CD99L2: variants seen among roughly 807,000 people sequenced by gnomAD.
CD99L2 encodes the protein CD99 molecule like 2.
CD99L2 carries 24 observed loss-of-function variants against 27.3 expected under a neutral mutation model. The ratio of observed to expected loss-of-function variants is 0.88; its 90% CI spans 0.64 to 1.24. The LOEUF is 1.24. Ranked by LOEUF, CD99L2 falls within the 50% of genes most tolerant of loss-of-function variation. CD99L2 has a pLI of 0.00. For synonymous variants in CD99L2, 97 were observed against 87.9 expected, an observed-to-expected ratio of 1.10 and a Z score of -0.58; for missense variants, 255 against 221.6, an observed-to-expected ratio of 1.15 and a Z score of -0.96.
chrX:150,801,587 G>T (rs577606691), intron 4 of CD99L2, among the ~76,000 whole-genome samples: 1 of 110,148 alleles, frequency 9.1e-6, no homozygotes, highest in South Asian at 3.9e-4. Context: ...ATTTGGATGG[G>T]GACACAGAGC....
intron 1 of CD99L2, among the ~76,000 whole-genome samples, chrX:150,866,180 G>A (rs782406045): frequency 6.3e-4 from 70 of 111,403 alleles, no homozygotes; most frequent in African/African-American, 2.2e-3. Context: ...TCAGCCTGCA[G>A]AGAACCCAAA....
chrX:150,860,350 A>G (rs1557421877), intron 1 of CD99L2, among the ~76,000 whole-genome samples: 1 of 112,038 alleles, frequency 8.9e-6, no homozygotes, highest in South Asian at 3.7e-4. Flanking sequence ...TGACAAACCC[A>G]CAGCTAACAT....
At chrX:150,848,556 T>TAAAAAA (rs55999462) in intron 1 of CD99L2, among the ~76,000 whole-genome samples, 1 of 93,781 alleles carries the variant, frequency 1.1e-5, no homozygotes, top group African/African-American at 4.0e-5. Context: ...TTCCACAATT[T>TAAAAAA]AAAAAAAAAA....
chrX:150,850,024 A>G (rs1341198906), intron 1 of CD99L2, among the ~76,000 whole-genome samples: 6 of 111,273 alleles, frequency 5.4e-5, no homozygotes, highest in African/African-American at 2.0e-4. Context: ...CCCCTTTTCC[A>G]CTCTGTATTT....
intron 2 of CD99L2, among the ~76,000 whole-genome samples, chrX:150,820,238 T>C (rs782600515): frequency 1.7e-4 from 18 of 103,337 alleles, no homozygotes; most frequent in Non-Finnish European, 3.5e-4. Flanking sequence ...ATCAATGTAC[T>C]ATCCCATATT....
intron 1 of CD99L2, among the ~76,000 whole-genome samples, chrX:150,845,218 G>C (rs1168399808): frequency 4.5e-5 from 5 of 111,569 alleles, no homozygotes; most frequent in Non-Finnish European, 9.4e-5. Flanking sequence ...CTGAGAGCTA[G>C]GGAACTACTT....
chrX:150,826,326 G>A (rs2046367019), intron 2 of CD99L2, among the ~76,000 whole-genome samples: 1 of 111,708 alleles, frequency 9.0e-6, no homozygotes. Flanking sequence ...CAGGGAATGG[G>A]GACATTCATA....
chrX:150,772,507 T>C (rs943427035), intron 9 of CD99L2, among the ~76,000 whole-genome samples: 23 of 112,358 alleles, frequency 2.0e-4, no homozygotes, highest in African/African-American at 6.8e-4. Flanking sequence ...GGGGAAAGGA[T>C]GTGGTTGGGA....
intron 7 of CD99L2, among the ~76,000 whole-genome samples, chrX:150,778,467 G>A (rs2045443688): frequency 9.7e-6 from 1 of 103,111 alleles, no homozygotes; most frequent in African/African-American, 3.6e-5. Flanking sequence ...GGCAGGGTGG[G>A]GGGGTATTGA....
intron 1 of CD99L2, among the ~76,000 whole-genome samples, chrX:150,852,784 G>A (rs1348545510): frequency 9.0e-6 from 1 of 111,372 alleles, no homozygotes; most frequent in Non-Finnish European, 1.9e-5. Context: ...GCATAGATCC[G>A]AATTTCCTTC....
chrX:150,800,606 T>A (rs2045888663), intron 4 of CD99L2, among the ~76,000 whole-genome samples: 2 of 111,702 alleles, frequency 1.8e-5, no homozygotes, highest in Admixed American at 1.9e-4. Flanking sequence ...CAAAGGATTT[T>A]GGTATTTGCA....
At chrX:150,832,491 G>A (rs1557421096) in intron 1 of CD99L2, among the ~76,000 whole-genome samples, 1 of 111,151 alleles carries the variant, frequency 9.0e-6, no homozygotes, top group Non-Finnish European at 1.9e-5. Context: ...TGGGTGTGGT[G>A]GTGCATGCCT....
intron 1 of CD99L2, among the ~76,000 whole-genome samples, chrX:150,852,900 A>G (rs868990104): frequency 8.9e-6 from 1 of 112,124 alleles, no homozygotes; most frequent in Non-Finnish European, 1.9e-5. Context: ...TGCTATAATT[A>G]TAAGTAGTGC....
intron 1 of CD99L2, among the ~76,000 whole-genome samples, chrX:150,856,958 G>C (rs782622005): frequency 9.1e-6 from 1 of 109,882 alleles, no homozygotes; most frequent in Non-Finnish European, 1.9e-5. Context: ...AGAATTCATT[G>C]AAAGAATGAC....
chrX:150,896,136 A>C (rs2047604972), intron 1 of CD99L2, among the ~76,000 whole-genome samples: 1 of 111,018 alleles, frequency 9.0e-6, no homozygotes, highest in African/African-American at 3.3e-5. Flanking sequence ...GTGGTGGCTC[A>C]CGCCTGTAAT....
At chrX:150,895,143 TG>T (rs1188295349) in intron 1 of CD99L2, among the ~76,000 whole-genome samples, 2 of 111,598 alleles carry the variant, frequency 1.8e-5, no homozygotes, top group African/African-American at 6.5e-5. Context: ...TGGGTCACAG[TG>T]CCAACAGGTC....
At chrX:150,823,449 C>G (rs1557420720) in intron 2 of CD99L2, among the ~76,000 whole-genome samples, 1 of 110,560 alleles carries the variant, frequency 9.0e-6, no homozygotes, top group African/African-American at 3.3e-5. Flanking sequence ...CCACGCCCAG[C>G]TAATTTTTGT....
Position 150,818,053 on chromosome X carries a change from T to TAATAATTTTAAATAAAAAAAAAAAAAA in CD99L2, c.131-1976_131-1975insTTTTTTTTTTTTTTATTTAAAATTATT, listed in dbSNP as rs782545494. The stretch of plus-strand genomic sequence containing the variant: ...AAAGGATCAATCCAAGAGGAAGACA[T>TAATAATTTTAAATAAAAAAAAAAAAAA]AATAATTTTAAATATATATGCACCT... On this transcript the variant is annotated intron_variant, in intron 2 of 10. Coordinates refer to ENST00000370377, the MANE Select transcript of CD99L2 (RefSeq NM_031462.4). Among the ~76,000 whole-genome samples, 13 of 106,723 alleles carry TAATAATTTTAAATAAAAAAAAAAAAAA rather than the reference T, an allele frequency of 1.2e-4. No individual in the cohort carries two copies. In the South Asian group the frequency reaches 2.0e-3, roughly 16 times the overall value. The allele number at this position is 106,723 out of a possible 115,157, so 92.7% of individuals were successfully genotyped here.
Position 150,769,115 on chromosome X carries a change from A to C in CD99L2, c.722-14T>G. The C allele has an allele frequency of 8.6e-7, 1 of 1,162,358 alleles. No homozygotes were observed. Reference sequence around the variant, plus strand: ...TGGAGTATTTCACTAGGGGAAAAAGAGGCCGTCAGAAGGAATTCTGCTCTG... The same window carrying C: ...TGGAGTATTTCACTAGGGGAAAAAGCGGCCGTCAGAAGGAATTCTGCTCTG... On this transcript the variant is annotated splice_polypyrimidine_tract_variant and intron_variant, in intron 10 of 10. Transcript: ENST00000370377.
Sources: allele counts gnomAD v4.1 joint callset (sites outside exome capture counted in the v4.1 genomes callset), GRCh38; gene constraint gnomAD v4.1.1; transcripts MANE v1.5; gene names NCBI Gene and HGNC (gene_info 2026-07-23, HGNC 2026-07-21).